The following MYO3A variants were observed in gnomAD, a reference collection of about 807,000 sequenced individuals.
The protein encoded by MYO3A is myosin IIIA, also known as myosin-IIIa.
In MYO3A, 180 loss-of-function variants were observed where a neutral mutation model predicts 192.7. The ratio of observed to expected loss-of-function variants is 0.93; its 90% CI spans 0.83 to 1.06. The LOEUF (loss-of-function observed/expected upper bound fraction) is 1.06. MYO3A is among the 50% of genes least tolerant of loss of function. The pLI is 0.00. For synonymous variants in MYO3A, 628 were observed against 645.3 expected (o/e 0.97, Z 0.41); for missense variants, 1,896 against 1,905.0 (o/e 1.00, Z 0.09).
intron 8 of MYO3A, 74 bp from the exon 9 acceptor site, chr10:26,023,948 C>A: frequency 7.6e-7 from 1 of 1,315,702 alleles, no homozygotes; most frequent in Non-Finnish European, 1.1e-6. Context: ...TTGCATTAGT[C>A]TATCTGGCTC....
chr10:25,971,304 T>C (rs1330271945), intron 4 of MYO3A, among the ~76,000 whole-genome samples: 3 of 152,202 alleles, frequency 2.0e-5, no homozygotes, highest in Non-Finnish European at 4.4e-5. Flanking sequence ...TTTCTATATA[T>C]TGTAGGCCCA....
chr10:26,106,972 G>A (rs929404395), intron 17 of MYO3A, among the ~76,000 whole-genome samples: 1 of 151,934 alleles, frequency 6.6e-6, no homozygotes, highest in Non-Finnish European at 1.5e-5. Context: ...AGTTATGCCA[G>A]TGAGCTTTTT....
At chr10:25,941,315 C>T (rs1836470752) in intron 2 of MYO3A, among the ~76,000 whole-genome samples, 1 of 152,182 alleles carries the variant, frequency 6.6e-6, no homozygotes, top group Non-Finnish European at 1.5e-5. Flanking sequence ...ATGGAGACAT[C>T]ACCATAGAAA....
At chr10:25,937,443 C>G (rs1037746560) in intron 2 of MYO3A, among the ~76,000 whole-genome samples, 1 of 152,196 alleles carries the variant, frequency 6.6e-6, no homozygotes, top group African/African-American at 2.4e-5. Context: ...GGAGAATAAT[C>G]CTGTATTGCA....
chr10:26,184,857 T>A (rs908769570), intron 31 of MYO3A, among the ~76,000 whole-genome samples: 1 of 152,222 alleles, frequency 6.6e-6, no homozygotes, highest in African/African-American at 2.4e-5. Context: ...TATAAATGTT[T>A]ATGTCACTTT....
At chr10:26,158,777 T>C (rs1249020796) in intron 26 of MYO3A, among the ~76,000 whole-genome samples, 1 of 152,118 alleles carries the variant, frequency 6.6e-6, no homozygotes, top group African/African-American at 2.4e-5. Context: ...ATTAAAATTT[T>C]CAGGTGAAAC....
At chr10:26,154,635 C>A in intron 24 of MYO3A, 111 bp from the exon 25 acceptor site, 2 of 923,428 alleles carry the variant, frequency 2.2e-6, no homozygotes, top group Non-Finnish European at 3.4e-6. Flanking sequence ...TGCTGTTTTA[C>A]ATATTTGAAT....
At chr10:25,988,067 T>C (rs1839764211) in intron 4 of MYO3A, among the ~76,000 whole-genome samples, 1 of 152,230 alleles carries the variant, frequency 6.6e-6, no homozygotes, top group South Asian at 2.1e-4. Context: ...TGGATGGAAT[T>C]GGAGACCATT....
intron 6 of MYO3A, among the ~76,000 whole-genome samples, chr10:26,005,420 A>C (rs1841126412): frequency 6.6e-6 from 1 of 152,008 alleles, no homozygotes; most frequent in Non-Finnish European, 1.5e-5. Context: ...ATCCCGGATT[A>C]GATCATTTTG....
chr10:26,186,478 G>C (rs1196459999), intron 31 of MYO3A, among the ~76,000 whole-genome samples: 1 of 152,054 alleles, frequency 6.6e-6, no homozygotes, highest in Admixed American at 6.6e-5. Context: ...GTGTTAGCCA[G>C]GATGGTCTCG....
At chr10:26,027,996 G>A (rs1027537101) in intron 10 of MYO3A, among the ~76,000 whole-genome samples, 1 of 152,086 alleles carries the variant, frequency 6.6e-6, no homozygotes, top group Non-Finnish European at 1.5e-5. Flanking sequence ...AATCCTATTT[G>A]TTTCATCCCA....
At chr10:25,967,365 A>G (rs1455353288) in intron 4 of MYO3A, among the ~76,000 whole-genome samples, 42 of 152,202 alleles carry the variant, frequency 2.8e-4, no homozygotes, top group Non-Finnish European at 1.5e-5. Flanking sequence ...CGCCTGAGAC[A>G]TTTAATAGAG....
At chr10:26,211,113 G>A (rs1235947342) in intron 34 of MYO3A, among the ~76,000 whole-genome samples, 1 of 152,176 alleles carries the variant, frequency 6.6e-6, no homozygotes, top group African/African-American at 2.4e-5. Flanking sequence ...TGACAGCAAG[G>A]ACTTCTGCTC....
chr10:26,131,120 A>G (rs1336765464), intron 20 of MYO3A, among the ~76,000 whole-genome samples: 2 of 152,116 alleles, frequency 1.3e-5, no homozygotes, highest in Non-Finnish European at 2.9e-5. Context: ...CAGATGAAAC[A>G]CCTCTGTTCC....
At chr10:26,029,573 A>T (rs1224502635) in intron 10 of MYO3A, among the ~76,000 whole-genome samples, 1 of 152,196 alleles carries the variant, frequency 6.6e-6, no homozygotes, top group South Asian at 2.1e-4. Flanking sequence ...GATATCTATT[A>T]TACATCAACA....
At chr10:26,000,102 G>A (rs1840696258) in intron 6 of MYO3A, among the ~76,000 whole-genome samples, 1 of 152,154 alleles carries the variant, frequency 6.6e-6, no homozygotes, top group Admixed American at 6.5e-5. Context: ...ACCTTGTTCA[G>A]TATCTCCATC....
rs760213857 is a variant in MYO3A, at chr10:26,170,412, TC to T, written c.3275-3del. 6.2e-7 allele frequency: 1 copy of T among 1,613,254 alleles called. No homozygotes were observed. Among genetic ancestry groups the T allele is most frequent in the Non-Finnish European group, 8.5e-7 (1 of 1,179,506 alleles). On this transcript the variant is annotated splice_region_variant and splice_polypyrimidine_tract_variant and intron_variant, in intron 28 of 34. Coordinates refer to ENST00000642920, the MANE Select transcript of MYO3A (RefSeq NM_017433.5). Reference sequence around the variant, plus strand: ...AACACTACTATGGGCTTTCTGTGTTTCAGCTGCAAGAGGACACCTTGTCAGG... The same window carrying T: ...AACACTACTATGGGCTTTCTGTGTTTAGCTGCAAGAGGACACCTTGTCAGG...
At position 26,024,083 on chromosome 10, in the gene MYO3A, A is replaced by G. The variant is rs369437388; in HGVS notation, c.793A>G (p.Ser265Gly). Residue 265 changes from serine to glycine, a missense_variant, in exon 9 of 35, where the codon AGC (serine) becomes GGC (glycine). Coordinates refer to ENST00000642920, the MANE Select transcript of MYO3A (RefSeq NM_017433.5). ...GTCAGCAGAATTCAATGACTTCATA[A>G]GCAAGTGAGTAAAAACAGTCTTTTA... ...LWSAEFNDFI[S>G]KCLTKDYEKR... 6 of 1,612,260 alleles carry G rather than the reference A, an allele frequency of 3.7e-6. No homozygotes were observed. The African/African-American group carries it at 8.0e-5, about 22-fold the overall frequency.
At chr10:26,157,863 C>T (rs576580022) in intron 26 of MYO3A, among the ~76,000 whole-genome samples, 3 of 152,264 alleles carry the variant, frequency 2.0e-5, no homozygotes, top group Admixed American at 2.0e-4. Flanking sequence ...TCAAAAGACA[C>T]TTGGCAATGT....
Sources: allele counts gnomAD v4.1 joint callset (sites outside exome capture counted in the v4.1 genomes callset), GRCh38; gene constraint gnomAD v4.1.1; transcripts MANE v1.5; gene names NCBI Gene and HGNC (gene_info 2026-07-23, HGNC 2026-07-21).